MYH13: variants seen among roughly 807,000 people sequenced by gnomAD.
MYH13 encodes the protein myosin heavy chain 13.
In MYH13, 177 loss-of-function variants were observed where a neutral mutation model predicts 232.1. That is an observed-to-expected ratio of 0.76 (90% CI 0.67 to 0.86). The LOEUF (loss-of-function observed/expected upper bound fraction) is 0.86. MYH13 is among the 40% of genes least tolerant of loss of function. The pLI is 0.00. For missense variants in MYH13, 2,246 were observed against 2,405.9 expected, an observed-to-expected ratio of 0.93 and a Z score of 1.39; for synonymous variants, 884 against 923.5, an observed-to-expected ratio of 0.96 and a Z score of 0.78.
intron 8 of MYH13, 143 bp from the exon 9 acceptor site, chr17:10,355,290 C>T: frequency 1.1e-6 from 1 of 908,504 alleles, no homozygotes; most frequent in South Asian, 1.6e-5. Flanking sequence ...GGTGAACCTT[C>T]TGGATTTGCA....
At chr17:10,361,410 G>A (rs2071792268) in intron 5 of MYH13, among the ~76,000 whole-genome samples, 2 of 151,630 alleles carry the variant, frequency 1.3e-5, no homozygotes, top group South Asian at 2.1e-4. Flanking sequence ...TCCTGCCTCA[G>A]CCTCCTGAGT....
intron 18 of MYH13, 37 bp from the exon 19 acceptor site, chr17:10,333,228 C>T: frequency 1.4e-6 from 2 of 1,410,374 alleles, no homozygotes; most frequent in Non-Finnish European, 9.8e-7. Context: ...GCCTGTGACC[C>T]CTTCATTTGT....
rs2142220397 is a variant in MYH13 at position 10,309,571 on chromosome 17, T to G, written c.4916A>C (p.Gln1639Pro). ...MEIQLGHSNR[Q>P]MAETQKHLRT... is the part of the protein sequence containing the mutation. ...CAGATGCTTCTGGGTCTCTGCCATC[T>G]GGCGGTTGGAGTGGCCCAGCTGAAT... The change falls in exon 34 of 41, where the codon CAG (glutamine) becomes CCG (proline). Residue 1639 changes from glutamine to proline, a missense_variant. Coordinates refer to ENST00000252172, the MANE Select transcript of MYH13 (RefSeq NM_003802.3). 6 of 1,613,336 alleles carry G rather than the reference T, an allele frequency of 3.7e-6. No individual in the cohort carries two copies. Among genetic ancestry groups the G allele is most frequent in the Non-Finnish European group, 5.1e-6 (6 of 1,179,688 alleles).
intron 39 of MYH13, 72 bp downstream of exon 39, chr17:10,303,124 G>A (rs905747218): frequency 7.3e-7 from 1 of 1,377,368 alleles, no homozygotes; most frequent in Non-Finnish European, 1.0e-6. Context: ...TACCAACCAG[G>A]ATGGCGGGGA....
intron 2 of MYH13, among the ~76,000 whole-genome samples, chr17:10,370,953 A>G (rs1567675633): frequency 6.6e-6 from 1 of 152,190 alleles, no homozygotes; most frequent in Non-Finnish European, 1.5e-5. Context: ...AGTACTGTGT[A>G]TTGACTTGGA....
intron 19 of MYH13, among the ~76,000 whole-genome samples, chr17:10,332,803 G>C (rs150055652): frequency 8.7e-4 from 132 of 152,306 alleles, no homozygotes; most frequent in African/African-American, 3.0e-3. Flanking sequence ...CACAATAAAG[G>C]ATGATCTAGC....
chr17:10,333,632 C>T (rs901349968), intron 18 of MYH13, among the ~76,000 whole-genome samples: 1 of 152,136 alleles, frequency 6.6e-6, no homozygotes. Context: ...GCCGGCTGGG[C>T]GCGGTGGCTC....
chr17:10,334,327 G>A (rs554531258), intron 18 of MYH13, among the ~76,000 whole-genome samples: 5 of 152,262 alleles, frequency 3.3e-5, no homozygotes, highest in East Asian at 3.9e-4. Flanking sequence ...ACAATTAGAT[G>A]ATTTTTAAGG....
intron 2 of MYH13, among the ~76,000 whole-genome samples, chr17:10,369,720 C>T (rs964153552): frequency 6.6e-6 from 1 of 152,128 alleles, no homozygotes; most frequent in African/African-American, 2.4e-5. Flanking sequence ...TTACTCTAAC[C>T]GTGACTCAGA....
chr17:10,338,125 C>T (rs1316385559), intron 18 of MYH13, among the ~76,000 whole-genome samples: 3 of 152,176 alleles, frequency 2.0e-5, no homozygotes, highest in East Asian at 1.9e-4. Context: ...AGCCATCCCC[C>T]ACCACCTTGC....
At chr17:10,357,856 G>C (rs377333638) in intron 7 of MYH13, 29 bp from the exon 8 acceptor site, 1 of 1,597,578 alleles carries the variant, frequency 6.3e-7, no homozygotes, top group African/African-American at 1.3e-5. Context: ...AGGAAAAAGA[G>C]GACTTTGGAT....
At position 10,354,958 on chromosome 17, in the gene MYH13, A is replaced by G. The variant is rs2071737618; in HGVS notation, c.838T>C (p.Ser280Pro). The G allele has an allele frequency of 2.5e-6, 4 of 1,609,550 alleles. No homozygotes were observed. Among genetic ancestry groups the G allele is most frequent in the Non-Finnish European group, 3.4e-6 (4 of 1,175,970 alleles). Residue 280 changes from serine (S) to proline (P), a missense_variant, in exon 10 of 41, where the codon TCC becomes CCC. Coordinates refer to ENST00000252172, the MANE Select transcript of MYH13 (RefSeq NM_003802.3). ...AAAATATGATAGCTTCTCTCACTGGATAATTGAAACGTCACTCTGGATTTT... is the reference window on the plus strand; with the variant it reads ...AAAATATGATAGCTTCTCTCACTGGGTAATTGAAACGTCACTCTGGATTTT... ...LEKSRVTFQL[S>P]SERSYHIFYQ...
Position 10,312,017 on chromosome 17 carries a change from C to T in MYH13, c.4425G>A (p.Gln1475=). The T allele has an allele frequency of 6.2e-7, 1 of 1,614,050 alleles. No individual in the cohort carries two copies. The highest frequency in any genetic ancestry group is 1.7e-5 in the Admixed American group (1 of 60,032). Residue 1475 remains glutamine, a synonymous_variant, in exon 32 of 41, where the codon CAG becomes CAA. Transcript: ENST00000252172. The part of the protein sequence containing the change: ...DESQAELEAA[Q]KESRSLSTEL... ...CAGTGCTGAGTGACCTGGACTCCTT[C>T]TGAGCAGCTTCCAACTCAGCCTGGC...
intron 19 of MYH13, 67 bp from the exon 20 acceptor site, chr17:10,332,289 T>C: frequency 6.3e-7 from 1 of 1,581,192 alleles, no homozygotes; most frequent in Non-Finnish European, 8.7e-7. Context: ...GAGACCAGCC[T>C]TCTAGAATCT....
intron 15 of MYH13, among the ~76,000 whole-genome samples, chr17:10,344,452 A>G (rs1242594993): frequency 6.6e-6 from 1 of 152,190 alleles, no homozygotes; most frequent in African/African-American, 2.4e-5. Flanking sequence ...CCAATTTCTC[A>G]GTAGCCACCT....
At chr17:10,334,364 C>A (rs1284327035) in intron 18 of MYH13, among the ~76,000 whole-genome samples, 1 of 152,096 alleles carries the variant, frequency 6.6e-6, no homozygotes, top group Non-Finnish European at 1.5e-5. Flanking sequence ...CTGTCAGATA[C>A]CGTAGTGACC....
chr17:10,323,936 G>T, intron 23 of MYH13, 86 bp downstream of exon 23: 1 of 1,529,756 alleles, frequency 6.5e-7, no homozygotes. Context: ...ATATTGACTG[G>T]ACTCCTACGC....
chr17:10,338,953 G>A (rs553953079), intron 18 of MYH13, among the ~76,000 whole-genome samples: 12 of 152,138 alleles, frequency 7.9e-5, no homozygotes, highest in South Asian at 2.1e-4. Flanking sequence ...CACCCGACTC[G>A]GCCTCCCAAA....
Position 10,312,624 on chromosome 17 carries a change from A to G in MYH13, c.4315T>C (p.Ser1439Pro), listed in dbSNP as rs746313963. ...VEDLMRDLER[S>P]HTACATLDKK... ...TCCAGTGTGGCACAGGCGGTGTGGG[A>G]GCGCTCCAGATCCCGCATCAGATCC... Residue 1439 changes from serine (S) to proline (P), a missense_variant, in exon 31 of 41, where the codon TCC becomes CCC. Coordinates refer to ENST00000252172, the MANE Select transcript of MYH13 (RefSeq NM_003802.3). 3 of 1,613,252 alleles carry G rather than the reference A, an allele frequency of 1.9e-6. No individual in the cohort carries two copies. The highest frequency in any genetic ancestry group is 2.2e-5 in the South Asian group (2 of 90,860).
Sources: allele counts gnomAD v4.1 joint callset (sites outside exome capture counted in the v4.1 genomes callset), GRCh38; gene constraint gnomAD v4.1.1; transcripts MANE v1.5; gene names NCBI Gene and HGNC (gene_info 2026-07-23, HGNC 2026-07-21).